The following NCOR2 variants were observed in gnomAD, a reference collection of about 807,000 sequenced individuals.
NCOR2 encodes nuclear receptor corepressor 2.
In NCOR2, 81 loss-of-function variants were observed where a neutral mutation model predicts 262.9. The ratio of observed to expected loss-of-function variants is 0.31; its 90% CI spans 0.26 to 0.37. NCOR2 has a LOEUF of 0.37. NCOR2 is among the 10% of genes least tolerant of loss of function. The probability of loss-of-function intolerance (pLI) is 1.00; values close to 1 mark genes in which losing one functional copy is unlikely to be tolerated. For synonymous variants in NCOR2, 1,659 were observed against 1,559.3 expected (o/e 1.06, Z -1.51); for missense variants, 3,385 against 3,621.4 (o/e 0.93, Z 1.68).
intron 1 of NCOR2, among the ~76,000 whole-genome samples, chr12:124,557,442 C>T (rs540657867): frequency 2.8e-4 from 42 of 152,346 alleles, no homozygotes; most frequent in African/African-American, 1.0e-3. Flanking sequence ...CCTCTGCCTC[C>T]ATTATCGCAC....
chr12:124,489,732 G>T (rs1356541226), intron 1 of NCOR2, among the ~76,000 whole-genome samples: 1 of 152,218 alleles, frequency 6.6e-6, no homozygotes, highest in East Asian at 1.9e-4. Flanking sequence ...GAGGCCACCA[G>T]AAAAAGCCAT....
chr12:124,414,472 C>A (rs534154297), intron 13 of NCOR2, among the ~76,000 whole-genome samples: 2 of 152,338 alleles, frequency 1.3e-5, no homozygotes, highest in African/African-American at 4.8e-5. Context: ...GGGCCAGGTG[C>A]CCCTGGAATT....
intron 8 of NCOR2, among the ~76,000 whole-genome samples, chr12:124,431,052 TATACTC>T (rs1047293799): frequency 3.5e-5 from 5 of 144,884 alleles, no homozygotes; most frequent in Admixed American, 2.0e-4. Context: ...CAAACACACA[TATACTC>T]AGACACAGTC....
In NCOR2 at chr12:124,363,748, G is replaced by T. The variant is rs543354276; in HGVS notation, c.2859C>A (p.Ala953=). 1.1e-5 allele frequency: 16 copies of T among 1,392,926 alleles called. No homozygotes were observed. In the South Asian group the frequency reaches 2.6e-4, roughly 22 times the overall value. The allele number at this position is 1,392,926 out of a possible 1,614,324, so 86.3% of individuals were successfully genotyped here. A position where few individuals can be genotyped will look rare whatever the true frequency, so the allele number is the denominator to read the frequency against. Reference sequence around the variant, plus strand: ...CCAGTGGCTTCTGGGGTGAGGCATTGGCCCGGGGGTCGCCAGTCGGGGTGA... The same window carrying T: ...CCAGTGGCTTCTGGGGTGAGGCATTTGCCCGGGGGTCGCCAGTCGGGGTGA... Residue 953 remains alanine (A), a synonymous_variant, in exon 21 of 47, where the codon GCC becomes GCA. Transcript: ENST00000405201.
chr12:124,437,011 G>A (rs1001908829), intron 8 of NCOR2, among the ~76,000 whole-genome samples: 2 of 152,084 alleles, frequency 1.3e-5, no homozygotes, highest in African/African-American at 4.8e-5. Context: ...GCTTGAACCC[G>A]AGAGGCGGAG....
chr12:124,334,664 A>C, intron 40 of NCOR2, 47 bp from the exon 43 acceptor site: 1 of 1,019,580 alleles, frequency 9.8e-7, no homozygotes, highest in Non-Finnish European at 1.3e-6. Flanking sequence ...CTCTCCTGAC[A>C]GAACCTTCTG....
In NCOR2 at chr12:124,454,133, C is replaced by T. The variant is rs1435610088; in HGVS notation, c.762+2973G>A. Among the ~76,000 whole-genome samples the T allele has an allele frequency of 6.6e-6, 1 of 152,192 alleles. No individual in the cohort carries two copies. Among genetic ancestry groups the T allele is most frequent in the East Asian group, 1.9e-4 (1 of 5,184 alleles). The stretch of plus-strand genomic sequence containing the variant: ...GCCACTCGGGCCTGGCAGATCTGTG[C>T]AGAACTGGCCGGCCGCTCTCCCAGG... On this transcript the variant is annotated intron_variant, in intron 6 of 46. Transcript: ENST00000405201. This position sits in a 1 kb window ranked among gnomAD's most constrained non-coding sequence, Gnocchi z 5.6.
intron 46 of NCOR2, 85 bp downstream of exon 48, chr12:124,326,106 C>A: frequency 7.5e-7 from 1 of 1,330,566 alleles, no homozygotes; most frequent in Non-Finnish European, 9.8e-7. Flanking sequence ...ATGCAGCAGG[C>A]GCTCAGCATT....
Position 124,364,368 on chromosome 12 carries a change from G to A in NCOR2, c.2808-569C>T, listed in dbSNP as rs1448243366. On this transcript the variant is annotated intron_variant, in intron 20 of 46. Transcript: ENST00000405201. ...AGCCGAATGAGCTCCGGTTACCAGA[G>A]GCAGGAGTGGGGGAGCTGCACCCAC... Among the ~76,000 whole-genome samples the A allele has an allele frequency of 3.9e-5, 6 of 152,326 alleles. No homozygotes were observed. The East Asian group carries it at 7.7e-4, about 20-fold the overall frequency.
At chr12:124,395,418 G>A (rs751420387) in intron 16 of NCOR2, among the ~76,000 whole-genome samples, 5 of 152,140 alleles carry the variant, frequency 3.3e-5, no homozygotes, top group African/African-American at 4.8e-5. Context: ...TGTAATTCAC[G>A]GCAGACGAAC....
At chr12:124,414,815 G>T (rs116609923) in intron 13 of NCOR2, among the ~76,000 whole-genome samples, 6 of 152,186 alleles carry the variant, frequency 3.9e-5, no homozygotes, top group Admixed American at 3.9e-4. Context: ...GTCACGGTAG[G>T]GGGAAGGGGC....
In NCOR2 at chr12:124,483,648, G is replaced by A. The variant is rs569394523; in HGVS notation, c.359C>T (p.Pro120Leu). The A allele has an allele frequency of 2.5e-5, 41 of 1,610,888 alleles. No individual in the cohort carries two copies. The highest frequency in any genetic ancestry group is 1.3e-4 in the Admixed American group (8 of 59,540). The change falls in exon 3 of 47, where the codon CCG (proline) becomes CTG (leucine). Residue 120 changes from proline (P) to leucine (L), a missense_variant. Around this residue, in one of 5 missense-constraint regions of NCOR2, gnomAD observed 237 missense variants for 229.4 expected, o/e 1.03. Transcript: ENST00000405201. The surrounding 1 kb of genome is among the most constrained non-coding windows in gnomAD (Gnocchi z 6.3). ...CTGGCCCGTGGCCAGCAGGGGTGACGGTCGCAGCAGGGGGTCAGGCAGCAG... is the reference window on the plus strand; with the variant it reads ...CTGGCCCGTGGCCAGCAGGGGTGACAGTCGCAGCAGGGGGTCAGGCAGCAG...
At chr12:124,430,725 G>A in exon 9 of NCOR2, 2 of 1,614,158 alleles carry the variant, frequency 1.2e-6, no homozygotes, top group South Asian at 1.1e-5. Context: ...TGTTCTCGAT[G>A]CGCTCCACCT....
chr12:124,507,797 T>C (rs2049130698), intron 1 of NCOR2, among the ~76,000 whole-genome samples: 1 of 152,232 alleles, frequency 6.6e-6, no homozygotes, highest in Non-Finnish European at 1.5e-5. Flanking sequence ...CACCCGCTCA[T>C]GTCCATGCCC....
intron 5 of NCOR2, among the ~76,000 whole-genome samples, chr12:124,462,036 A>G (rs756503980): frequency 6.6e-6 from 1 of 152,186 alleles, no homozygotes; most frequent in Non-Finnish European, 1.5e-5. Context: ...TCAATGCACG[A>G]ATCACCACAT....
intron 13 of NCOR2, among the ~76,000 whole-genome samples, chr12:124,416,576 G>A (rs970700963): frequency 3.0e-4 from 42 of 142,174 alleles, no homozygotes; most frequent in Non-Finnish European, 3.5e-4. Context: ...TAGACCCCGC[G>A]GCACAGGGAG....
chr12:124,371,969 G>C, intron 20 of NCOR2, 53 bp downstream of exon 22: 1 of 1,504,156 alleles, frequency 6.6e-7, no homozygotes, highest in South Asian at 1.3e-5. Flanking sequence ...GGTAGTCGCT[G>C]CTCAGTGTCT....
exon 39 of NCOR2, chr12:124,335,513 G>T: frequency 6.2e-7 from 1 of 1,608,290 alleles, no homozygotes; most frequent in Non-Finnish European, 8.5e-7. Flanking sequence ...TCCCCCTCCA[G>T]GTGGCTCTTG....
At chr12:124,407,934 C>G (rs1218795846) in intron 13 of NCOR2, among the ~76,000 whole-genome samples, 1 of 152,228 alleles carries the variant, frequency 6.6e-6, no homozygotes, top group African/African-American at 2.4e-5. Context: ...ACAGGGTTCC[C>G]TGTTGCTGGC....
Sources: gnomAD v4.1 joint callset for allele counts (sites outside exome capture counted in the v4.1 genomes callset) on GRCh38, gnomAD v4.1.1 for gene constraint, gnomAD v4.1.1 regional missense constraint, Gnocchi (gnomAD v3.1) non-coding constraint, MANE v1.5 for transcripts, NCBI Gene and HGNC (gene_info 2026-07-23, HGNC 2026-07-21) for gene names.